Variants in HPN observed in about 807,000 individuals in gnomAD.
HPN encodes the protein hepsin.
A neutral mutation model predicts 55.9 loss-of-function variants in HPN; 13 were observed. The ratio of observed to expected loss-of-function variants is 0.23; its 90% CI spans 0.15 to 0.37. HPN has a LOEUF of 0.37. HPN is among the 10% of genes least tolerant of loss of function. The pLI is 1.00. For missense variants in HPN, 451 were observed against 575.8 expected, an observed-to-expected ratio of 0.78 and a Z score of 2.22; for synonymous variants, 225 against 240.3, an observed-to-expected ratio of 0.94 and a Z score of 0.59.
At chr19:35,065,820 C>T (rs1160225130) in intron 11 of HPN, 48 bp from the exon 12 acceptor site, 5 of 1,607,982 alleles carry the variant, frequency 3.1e-6, no homozygotes, top group Admixed American at 1.7e-5. Context: ...GGTGGGCCTC[C>T]TGTCCAACCA....
chr19:35,050,468 A>G, intron 4 of HPN: 1 of 1,282,928 alleles, frequency 7.8e-7, no homozygotes, highest in Non-Finnish European at 1.0e-6. Context: ...AGGACCAGAG[A>G]GGACATGCAG....
chr19:35,052,675 C>T (rs902760684), intron 4 of HPN, among the ~76,000 whole-genome samples: 1 of 152,160 alleles, frequency 6.6e-6, no homozygotes, highest in African/African-American at 2.4e-5. Flanking sequence ...ACTCTATGGC[C>T]TCTCACCCTA....
In HPN at chr19:35,041,819, T is replaced by C. The variant is rs1431465450; in HGVS notation, c.-108T>C. ...CATGCTCCTGCCCAGGCCTGGAGACTGACCCGACCCCGGCACTACCTCGAG... is the reference window on the plus strand; with the variant it reads ...CATGCTCCTGCCCAGGCCTGGAGACCGACCCGACCCCGGCACTACCTCGAG... On this transcript the variant is annotated 5_prime_UTR_variant, in exon 1 of 13. An upstream open reading frame in the 5' UTR loses its in-frame stop. Transcript: ENST00000672452. The C allele has an allele frequency of 7.5e-7, 1 of 1,341,282 alleles. No homozygotes were observed. Among genetic ancestry groups the C allele is most frequent in the Non-Finnish European group, 9.8e-7 (1 of 1,017,374 alleles). 83.1% of individuals were successfully genotyped at this position (1,341,282 alleles called of 1,614,324 possible).
At chr19:35,063,198 G>C (rs1181545150) in intron 9 of HPN, among the ~76,000 whole-genome samples, 1 of 152,204 alleles carries the variant, frequency 6.6e-6, no homozygotes, top group Non-Finnish European at 1.5e-5. Context: ...CCCAAAGAAG[G>C]CAAACAATGC....
At position 35,060,379 on chromosome 19, in the gene HPN, A is replaced by C; in HGVS notation, c.487A>C (p.Ile163Leu). Residue 163 changes from isoleucine to leucine, a missense_variant, in exon 8 of 13, where the codon ATC (isoleucine) becomes CTC (leucine). This residue lies in a region of HPN where 378 missense variants were observed against 445.5 expected (regional missense o/e 0.85). Transcript: ENST00000672452. Reference protein sequence around the residue: ...CGRRKLPVDRIVGGRDTSLGR... With the variant: ...CGRRKLPVDRLVGGRDTSLGR... ...CCGCAGGAAGCTGCCCGTGGACCGC[A>C]TCGTGGGAGGCCGGGACACCAGCTT... 6.2e-7 allele frequency: 1 copy of C among 1,612,544 alleles called. No homozygotes were observed. Among genetic ancestry groups the C allele is most frequent in the Non-Finnish European group, 8.5e-7 (1 of 1,179,902 alleles).
Position 35,060,167 on chromosome 19 carries a change from A to C in HPN, c.452A>C (p.Gln151Pro). Residue 151 changes from glutamine to proline, a missense_variant and splice_region_variant, in exon 7 of 13, where the codon CAA (glutamine) becomes CCA (proline). Physicochemically the swap from Gln to Pro is moderately conservative, Grantham distance 76. This residue lies in a region of HPN where 378 missense variants were observed against 445.5 expected (regional missense o/e 0.85). Coordinates refer to ENST00000672452, the MANE Select transcript of HPN (RefSeq NM_001384133.1). Reference protein sequence around the residue: ...PRGRFLAAICQDCGRRKLPVD... With the variant: ...PRGRFLAAICPDCGRRKLPVD... ...GGCCGTTTCTTGGCCGCCATCTGCCAAGGTGAGATCCTAAAACTCAGAACC... is the reference window on the plus strand; with the variant it reads ...GGCCGTTTCTTGGCCGCCATCTGCCCAGGTGAGATCCTAAAACTCAGAACC... 1 of 1,614,098 alleles carries C rather than the reference A, an allele frequency of 6.2e-7. No individual in the cohort carries two copies. Among genetic ancestry groups the C allele is most frequent in the Non-Finnish European group, 8.5e-7 (1 of 1,180,030 alleles).
rs2064303361 is a variant in HPN at position 35,042,399 on chromosome 19, A to ACTGGG, written c.-54-41_-54-37dup. The ACTGGG allele has an allele frequency of 2.7e-6, 4 of 1,508,904 alleles. No individual in the cohort carries two copies. In the African/African-American group the frequency reaches 4.2e-5, roughly 16 times the overall value. The allele number at this position is 1,508,904 out of a possible 1,614,324, so 93.5% of individuals were successfully genotyped here. A position where few individuals can be genotyped will look rare whatever the true frequency, so the allele number is the denominator to read the frequency against. On this transcript the variant is annotated intron_variant, in intron 1 of 12. Coordinates refer to ENST00000672452, the MANE Select transcript of HPN (RefSeq NM_001384133.1). ...GACGCCTGGGACTGGGGGCGCCAGG[A>ACTGGG]CTGGGCTGGGCTGGGCTCCCCCAGG...
intron 4 of HPN, among the ~76,000 whole-genome samples, chr19:35,051,006 T>C (rs1252025269): frequency 6.9e-6 from 1 of 143,946 alleles, no homozygotes; most frequent in Non-Finnish European, 1.5e-5. Flanking sequence ...AACCTACATC[T>C]CCTGGGCTCA....
intron 4 of HPN, among the ~76,000 whole-genome samples, chr19:35,058,329 G>T (rs561760709): frequency 6.7e-6 from 1 of 148,946 alleles, no homozygotes; most frequent in African/African-American, 2.4e-5. Context: ...ACAGGCACCT[G>T]CCATCATGCC....
chr19:35,049,355 C>T lies in HPN; in HGVS notation c.82C>T (p.Leu28Phe). 1 of 1,603,638 alleles carries T rather than the reference C, an allele frequency of 6.2e-7. No individual in the cohort carries two copies. The highest frequency in any genetic ancestry group is 8.5e-7 in the Non-Finnish European group (1 of 1,173,396). ...VAALTAGTLL[L>F]LTAIGAASWA... ...AGCTCTCACTGCGGGGACCCTGCTA[C>T]TTCTGACAGCCATCGGGGCGGCATC... The change falls in exon 3 of 13, where the codon CTT (leucine) becomes TTT (phenylalanine). Residue 28 changes from leucine to phenylalanine, a missense_variant. This residue lies in a region of HPN where 378 missense variants were observed against 445.5 expected (regional missense o/e 0.85). Coordinates refer to ENST00000672452, the MANE Select transcript of HPN (RefSeq NM_001384133.1).
rs2064378392 is a variant in HPN at position 35,049,306 on chromosome 19, A to G, written c.33A>G (p.Pro11=). The change falls in exon 3 of 13, where the codon CCA becomes CCG. Residue 11 remains proline, a synonymous_variant. Transcript: ENST00000672452. The stretch of plus-strand genomic sequence containing the variant: ...CTGTTGCAGGTGGCCGGACTGTGCC[A>G]TGCTGCTCCAGACCCAAGGTGGCAG... MAQKEGGRTV[P]CCSRPKVAAL... The G allele has an allele frequency of 6.3e-7, 1 of 1,577,346 alleles. No homozygotes were observed. The highest frequency in any genetic ancestry group is 8.6e-7 in the Non-Finnish European group (1 of 1,159,730).
At chr19:35,047,080 G>A (rs567214090) in intron 2 of HPN, among the ~76,000 whole-genome samples, 30 of 152,080 alleles carry the variant, frequency 2.0e-4, no homozygotes, top group South Asian at 1.9e-3. Context: ...TGCCCACCTC[G>A]GCCTCCCAAA....
At chr19:35,050,541 T>C (rs2064393317) in intron 4 of HPN, 3 of 1,284,280 alleles carry the variant, frequency 2.3e-6, no homozygotes, top group African/African-American at 1.5e-5. Context: ...TCTGCAGGCA[T>C]GTGGAATGAA....
At chr19:35,060,878 G>A in intron 9 of HPN, 61 bp downstream of exon 9, 1 of 1,405,546 alleles carries the variant, frequency 7.1e-7, no homozygotes, top group South Asian at 1.4e-5. Context: ...CAGAGGAGGG[G>A]ACCAGGGGCA....
intron 9 of HPN, 147 bp from the exon 10 acceptor site, chr19:35,065,103 T>A: frequency 3.5e-6 from 2 of 568,888 alleles, no homozygotes; most frequent in Non-Finnish European, 6.2e-6. Flanking sequence ...ATTACAGGCA[T>A]GAGCCACTGT....
chr19:35,041,688 T>TAC (rs2151750438), upstream of HPN: 2 of 638,114 alleles, frequency 3.1e-6, no homozygotes, highest in Non-Finnish European at 2.0e-6. Flanking sequence ...CCCCGCCCCT[T>TAC]CACCCGCCCC....
In HPN at chr19:35,059,770, C is replaced by G. The variant is rs749925606; in HGVS notation, c.258C>G (p.Ala86=). The G allele has an allele frequency of 1.3e-6, 2 of 1,587,868 alleles. No homozygotes were observed. The highest frequency in any genetic ancestry group is 2.3e-5 in the South Asian group (2 of 87,154). ...LCSSRSNARV[A]GLSCEEMGFL... The stretch of plus-strand genomic sequence containing the variant: ...CCTCGCGCTCCAACGCCAGGGTAGC[C>G]GGACTCAGCTGCGAGGAGATGGGCT... Residue 86 remains alanine (A), a synonymous_variant, in exon 5 of 13, where the codon GCC becomes GCG. Coordinates refer to ENST00000672452, the MANE Select transcript of HPN (RefSeq NM_001384133.1).
chr19:35,060,843 G>T, intron 9 of HPN, 26 bp downstream of exon 9: 1 of 1,532,988 alleles, frequency 6.5e-7, no homozygotes. Flanking sequence ...GAGCCATGGG[G>T]CTTGAGGACC....
At chr19:35,058,153 A>G (rs1038301839) in intron 4 of HPN, among the ~76,000 whole-genome samples, 1 of 151,720 alleles carries the variant, frequency 6.6e-6, no homozygotes, top group African/African-American at 2.4e-5. Flanking sequence ...ACTCCGTCTC[A>G]AAAAAATAAA....
Sources: gnomAD v4.1 joint callset for allele counts (sites outside exome capture counted in the v4.1 genomes callset) on GRCh38, gnomAD v4.1.1 for gene constraint, gnomAD v4.1.1 regional missense constraint, MANE v1.5 for transcripts, NCBI Gene and HGNC (gene_info 2026-07-23, HGNC 2026-07-21) for gene names.